DENND5B: variants seen among roughly 807,000 people sequenced by gnomAD.
The protein encoded by DENND5B is DENN domain-containing protein 5B.
In DENND5B, 34 loss-of-function variants were observed where a neutral mutation model predicts 140.6. The ratio of observed to expected loss-of-function variants is 0.24; its 90% CI spans 0.18 to 0.32. The LOEUF (loss-of-function observed/expected upper bound fraction) is 0.32. Among genes scored for constraint, DENND5B ranks in the 10% least tolerant of loss-of-function variants. DENND5B has a pLI of 1.00. For missense variants in DENND5B, 1,142 were observed against 1,560.2 expected (o/e 0.73, Z 4.52); for synonymous variants, 551 against 562.1 (o/e 0.98, Z 0.28).
chr12:31,413,948 A>T (rs1462822467), intron 12 of DENND5B, among the ~76,000 whole-genome samples: 3 of 152,232 alleles, frequency 2.0e-5, no homozygotes, highest in African/African-American at 7.2e-5. Flanking sequence ...TAACTGTTCT[A>T]TAGCATAATT....
intron 8 of DENND5B, among the ~76,000 whole-genome samples, chr12:31,427,722 T>C (rs530280302): frequency 6.6e-6 from 1 of 152,182 alleles, no homozygotes. Flanking sequence ...CTCTACATTA[T>C]ATAGTAAAAG....
At chr12:31,453,961 G>GTGAA (rs1944656382) in intron 4 of DENND5B, among the ~76,000 whole-genome samples, 1 of 151,934 alleles carries the variant, frequency 6.6e-6, no homozygotes, top group Non-Finnish European at 1.5e-5. Context: ...GGCCAACATG[G>GTGAA]TGAAACTCTG....
intron 3 of DENND5B, among the ~76,000 whole-genome samples, chr12:31,469,346 A>AAG (rs1555156514): frequency 3.1e-5 from 4 of 130,222 alleles, no homozygotes; most frequent in African/African-American, 5.4e-5. Context: ...AAAAAAAAAA[A>AAG]AAGAAGAAGA....
chr12:31,550,823 G>A (rs1949028673), intron 1 of DENND5B, among the ~76,000 whole-genome samples: 1 of 152,142 alleles, frequency 6.6e-6, no homozygotes, highest in Non-Finnish European at 1.5e-5. Flanking sequence ...CAGTGATGAT[G>A]AGCATTTTTT....
At chr12:31,467,553 T>C (rs1292200744) in intron 3 of DENND5B, among the ~76,000 whole-genome samples, 1 of 152,150 alleles carries the variant, frequency 6.6e-6, no homozygotes, top group African/African-American at 2.4e-5. Context: ...GCAGTAGGAT[T>C]GCTTGAGCCC....
intron 14 of DENND5B, among the ~76,000 whole-genome samples, chr12:31,403,944 C>T (rs549474490): frequency 3.5e-5 from 5 of 143,738 alleles, no homozygotes; most frequent in African/African-American, 5.2e-5. Flanking sequence ...GGGCCAGGCA[C>T]GGGGGCTCAT....
intron 3 of DENND5B, among the ~76,000 whole-genome samples, chr12:31,461,444 T>C (rs78099515): frequency 0.017 from 2,560 of 152,296 alleles, 72 homozygotes; most frequent in African/African-American, 0.058. Context: ...TAAAGCAGCC[T>C]TTTAAACCAC....
At chr12:31,554,733 A>G (rs1565691056) in intron 1 of DENND5B, among the ~76,000 whole-genome samples, 1 of 152,076 alleles carries the variant, frequency 6.6e-6, no homozygotes, top group Non-Finnish European at 1.5e-5. Flanking sequence ...ATAGTCCCAT[A>G]TTTCTTGGAG....
intron 2 of DENND5B, among the ~76,000 whole-genome samples, chr12:31,490,518 G>T (rs1348206218): frequency 2.6e-5 from 4 of 151,956 alleles, no homozygotes; most frequent in African/African-American, 7.3e-5. Context: ...GGGCTGAGGT[G>T]GAGGATCGCT....
intron 6 of DENND5B, 121 bp from the exon 7 acceptor site, chr12:31,443,046 G>C (rs1944112298): frequency 1.5e-6 from 1 of 687,282 alleles, no homozygotes; most frequent in East Asian, 3.0e-5. Flanking sequence ...AACAGATATT[G>C]TGTGTGTGTG....
chr12:31,585,829 A>G (rs1019713155), intron 1 of DENND5B, among the ~76,000 whole-genome samples: 1 of 152,236 alleles, frequency 6.6e-6, no homozygotes, highest in Non-Finnish European at 1.5e-5. Flanking sequence ...GACACTAAGG[A>G]AAAGATCTAA....
rs1319449432 is a variant in DENND5B at position 31,447,598 on chromosome 12, C to T, written c.1801G>A (p.Val601Ile). Residue 601 changes from valine to isoleucine, a missense_variant, in exon 6 of 21, where the codon GTA becomes ATA. Coordinates refer to ENST00000389082, the MANE Select transcript of DENND5B (RefSeq NM_144973.4). Reference sequence around the variant, plus strand: ...GATGTCCGCAAGGTGGGTGCCCTTACATTATACAGCCTTATCTTATCAATC... The same window carrying T: ...GATGTCCGCAAGGTGGGTGCCCTTATATTATACAGCCTTATCTTATCAATC... ...TRIDKIRLYN[V>I]RAPTLRTSIY... is the part of the protein sequence containing the mutation. 7 of 1,613,808 alleles carry T rather than the reference C, an allele frequency of 4.3e-6. No individual in the cohort carries two copies. The highest frequency in any genetic ancestry group is 1.7e-6 in the Non-Finnish European group (2 of 1,179,898).
At chr12:31,521,806 T>C (rs1259429) in intron 1 of DENND5B, among the ~76,000 whole-genome samples, 11,790 of 152,222 alleles carry the variant, frequency 0.077, 1,036 homozygotes, top group African/African-American at 0.22. Context: ...TTGTCCAGAC[T>C]ACTTCAGTAG....
At chr12:31,483,162 A>T (rs1946135520) in intron 2 of DENND5B, among the ~76,000 whole-genome samples, 1 of 151,640 alleles carries the variant, frequency 6.6e-6, no homozygotes, top group Admixed American at 6.6e-5. Flanking sequence ...ACTTTCACAC[A>T]CTCTTCCAAA....
At chr12:31,469,886 T>C (rs761199031) in intron 3 of DENND5B, among the ~76,000 whole-genome samples, 6 of 152,104 alleles carry the variant, frequency 3.9e-5, no homozygotes, top group African/African-American at 1.4e-4. Context: ...CATGAGTAGA[T>C]GCTTCCCAAG....
At position 31,480,233 on chromosome 12, in the gene DENND5B, G is replaced by C; in HGVS notation, c.260C>G (p.Ser87Cys). The change falls in exon 3 of 21, where the codon TCT becomes TGT. Residue 87 changes from serine to cysteine, a missense_variant. Coordinates refer to ENST00000389082, the MANE Select transcript of DENND5B (RefSeq NM_144973.4). ...TTTATTGTCCGTTTGTGTCCTGAAAGATAGCCCTTTAGGCATGCACAACTG... is the reference window on the plus strand; with the variant it reads ...TTTATTGTCCGTTTGTGTCCTGAAACATAGCCCTTTAGGCATGCACAACTG... ...VNMLCMPKGL[S>C]FRTQTDNKDP... 6.3e-7 allele frequency: 1 copy of C among 1,583,758 alleles called. No homozygotes were observed. The highest frequency in any genetic ancestry group is 1.8e-5 in the Admixed American group (1 of 55,830).
At chr12:31,517,347 C>T (rs960665436) in intron 1 of DENND5B, among the ~76,000 whole-genome samples, 1 of 152,194 alleles carries the variant, frequency 6.6e-6, no homozygotes, top group South Asian at 2.1e-4. Flanking sequence ...GCGCTTAAAG[C>T]GGACTATGAG....
intron 14 of DENND5B, among the ~76,000 whole-genome samples, chr12:31,407,997 T>TA (rs996286578): frequency 1.3e-5 from 2 of 152,128 alleles, no homozygotes; most frequent in African/African-American, 4.8e-5. Flanking sequence ...CGGCTTTCTA[T>TA]AAAAAATACA....
chr12:31,433,839 T>G (rs1424398977), intron 7 of DENND5B, among the ~76,000 whole-genome samples: 1 of 20,826 alleles, frequency 4.8e-5, no homozygotes, highest in Non-Finnish European at 3.5e-4. Flanking sequence ...GGCAACATAG[T>G]GAGACTGTCT....
Sources: allele counts gnomAD v4.1 joint callset (sites outside exome capture counted in the v4.1 genomes callset), GRCh38; gene constraint gnomAD v4.1.1; transcripts MANE v1.5; gene names NCBI Gene and HGNC (gene_info 2026-07-23, HGNC 2026-07-21).